Variants in CRACR2A observed in about 807,000 individuals in gnomAD.
CRACR2A encodes the protein calcium release activated channel regulator 2A, also known as EF-hand calcium-binding domain-containing protein 4B.
In CRACR2A, 79 loss-of-function variants were observed where a neutral mutation model predicts 90.5. That is an observed-to-expected ratio of 0.87 (90% confidence interval 0.73 to 1.05). The LOEUF (loss-of-function observed/expected upper bound fraction) is 1.05. Among genes scored for constraint, CRACR2A ranks in the 50% least tolerant of loss-of-function variants. The probability of loss-of-function intolerance (pLI) is 0.00; values close to 1 mark genes in which losing one functional copy is unlikely to be tolerated. For synonymous variants in CRACR2A, 338 were observed against 356.7 expected (o/e 0.95, Z 0.59); for missense variants, 823 against 897.2 (o/e 0.92, Z 1.06).
intron 11 of CRACR2A, 105 bp from the exon 12 acceptor site, chr12:3,644,745 G>A: frequency 1.0e-6 from 1 of 961,538 alleles, no homozygotes; most frequent in Non-Finnish European, 1.6e-6. Flanking sequence ...GGTGTGGTAT[G>A]GAAGACAGGG....
chr12:3,708,276 G>A (rs192698224), intron 3 of CRACR2A, among the ~76,000 whole-genome samples: 131 of 152,286 alleles, frequency 8.6e-4, no homozygotes, highest in African/African-American at 3.0e-3. Context: ...CTCCAGAGGG[G>A]ACAAACTCTA....
At chr12:3,673,859 C>A (rs890625661) in intron 6 of CRACR2A, among the ~76,000 whole-genome samples, 7 of 152,204 alleles carry the variant, frequency 4.6e-5, no homozygotes, top group African/African-American at 1.7e-4. Flanking sequence ...GTGGAGTGAG[C>A]TGTCTAAGAT....
In CRACR2A at chr12:3,679,020, A is replaced by G; in HGVS notation, c.419T>C (p.Val140Ala). The change falls in exon 6 of 20, where the codon GTG becomes GCG. Residue 140 changes from valine (V) to alanine (A), a missense_variant. Physicochemically the swap from Val to Ala is moderately conservative, Grantham distance 64. Coordinates refer to ENST00000440314, the MANE Select transcript of CRACR2A (RefSeq NM_001144958.2). ...EQVAQRHEEK[V>A]YLSRGDEDLG... ...ATCCTCATCCCCTCTGGACAGATAC[A>G]CCTTCTCTTCATGGCGCTGGGCCAC... 1 of 1,613,986 alleles carries G rather than the reference A, an allele frequency of 6.2e-7. No homozygotes were observed.
chr12:3,645,172 A>G (rs1055979780), intron 11 of CRACR2A, among the ~76,000 whole-genome samples: 10 of 152,244 alleles, frequency 6.6e-5, no homozygotes, highest in African/African-American at 2.4e-4. Context: ...TGAGAAAATA[A>G]AGCAGGAAAG....
chr12:3,692,083 G>A (rs1945657583), intron 4 of CRACR2A, among the ~76,000 whole-genome samples: 1 of 152,134 alleles, frequency 6.6e-6, no homozygotes, highest in South Asian at 2.1e-4. Context: ...CCTTGGATTG[G>A]GTTTCAATGT....
At chr12:3,684,393 C>T (rs1372748446) in intron 4 of CRACR2A, among the ~76,000 whole-genome samples, 1 of 152,092 alleles carries the variant, frequency 6.6e-6, no homozygotes, top group Non-Finnish European at 1.5e-5. Flanking sequence ...AGTTTCTCAA[C>T]CTTGGCACTA....
At chr12:3,727,745 C>T (rs984988820) in intron 2 of CRACR2A, 2 of 152,152 alleles carry the variant, frequency 1.3e-5, no homozygotes, top group African/African-American at 2.4e-5. Flanking sequence ...TAGAAACACT[C>T]GCCAAACAAG....
At chr12:3,733,685 C>T (rs1169282703) in intron 1 of CRACR2A, among the ~76,000 whole-genome samples, 1 of 152,096 alleles carries the variant, frequency 6.6e-6, no homozygotes, top group Non-Finnish European at 1.5e-5. Flanking sequence ...ACCAATGTCA[C>T]CCTTCCTCCA....
At chr12:3,621,207 C>G (rs1461295331) in intron 17 of CRACR2A, among the ~76,000 whole-genome samples, 1 of 152,048 alleles carries the variant, frequency 6.6e-6, no homozygotes, top group East Asian at 1.9e-4. Flanking sequence ...CAGAATTCTA[C>G]CCCAGGTTTT....
In CRACR2A at chr12:3,753,060, G is replaced by C. The variant is rs1329266922; in HGVS notation, c.-432C>G. On this transcript the variant is annotated 5_prime_UTR_variant, in exon 1 of 20. Transcript: ENST00000440314. ...GTGGACCTGCCCGCGCCGCCCGCTC[G>C]GCTCTCAGCTGTCAAGCAGCCGCCT... 1 of 152,366 alleles carries C rather than the reference G, an allele frequency of 6.6e-6. No homozygotes were observed. The highest frequency in any genetic ancestry group is 2.4e-5 in the African/African-American group (1 of 41,458). The allele number at this position is 152,366 out of a possible 1,614,324, so 9.4% of individuals were successfully genotyped here.
chr12:3,715,148 G>C (rs1006784348), intron 2 of CRACR2A, among the ~76,000 whole-genome samples: 7 of 152,344 alleles, frequency 4.6e-5, no homozygotes, highest in African/African-American at 1.7e-4. Context: ...TGGGTGCATG[G>C]GATATGGCGA....
intron 9 of CRACR2A, among the ~76,000 whole-genome samples, chr12:3,656,046 G>C (rs1404442480): frequency 6.6e-6 from 1 of 152,078 alleles, no homozygotes; most frequent in Non-Finnish European, 1.5e-5. Flanking sequence ...GTGGCTCCTG[G>C]GTATAATTAT....
At chr12:3,702,190 A>T (rs1042017281) in intron 3 of CRACR2A, among the ~76,000 whole-genome samples, 5 of 152,224 alleles carry the variant, frequency 3.3e-5, no homozygotes, top group Non-Finnish European at 7.4e-5. Context: ...AACAACAGCT[A>T]ACATCATACT....
chr12:3,689,133 T>C (rs1945612071), intron 4 of CRACR2A, among the ~76,000 whole-genome samples: 1 of 152,234 alleles, frequency 6.6e-6, no homozygotes, highest in South Asian at 2.1e-4. Flanking sequence ...TCATGTCTTC[T>C]GCAAACAGGG....
At chr12:3,674,221 T>A (rs1276991950) in intron 6 of CRACR2A, among the ~76,000 whole-genome samples, 1 of 152,142 alleles carries the variant, frequency 6.6e-6, no homozygotes, top group African/African-American at 2.4e-5. Flanking sequence ...AGCACCCCAC[T>A]GTGGCCTAGT....
chr12:3,643,847 AT>A (rs1944626091), intron 12 of CRACR2A, among the ~76,000 whole-genome samples: 1 of 66,774 alleles, frequency 1.5e-5, no homozygotes, highest in Admixed American at 3.0e-4. Flanking sequence ...TATAATATAT[AT>A]TATATATTTA....
intron 3 of CRACR2A, among the ~76,000 whole-genome samples, chr12:3,702,378 C>T (rs549205754): frequency 6.6e-6 from 1 of 152,114 alleles, no homozygotes. Context: ...TATTCCCAGA[C>T]AGCAGGAGTG....
chr12:3,751,314 G>A (rs1385213399), intron 1 of CRACR2A, among the ~76,000 whole-genome samples: 1 of 152,006 alleles, frequency 6.6e-6, no homozygotes, highest in African/African-American at 2.4e-5. Context: ...CACCAGCCCT[G>A]TTCAACCCCT....
At chr12:3,629,857 G>GC (rs1356905462) in intron 15 of CRACR2A, among the ~76,000 whole-genome samples, 1 of 150,014 alleles carries the variant, frequency 6.7e-6, no homozygotes, top group Admixed American at 6.6e-5. Context: ...AAGGGGGGGG[G>GC]GGGATGAAGA....
Sources: gnomAD v4.1 joint callset for allele counts (sites outside exome capture counted in the v4.1 genomes callset) on GRCh38, gnomAD v4.1.1 for gene constraint, MANE v1.5 for transcripts, NCBI Gene and HGNC (gene_info 2026-07-23, HGNC 2026-07-21) for gene names.